Variants in KATNAL2 observed in about 807,000 individuals in gnomAD.
KATNAL2 encodes katanin p60 ATPase-containing subunit A-like 2.
A neutral mutation model predicts 76.3 loss-of-function variants in KATNAL2; 52 were observed. The ratio of observed to expected loss-of-function variants is 0.68; its 90% confidence interval spans 0.55 to 0.86. The LOEUF is 0.86. KATNAL2 is among the 40% of genes least tolerant of loss of function. The pLI, the probability that KATNAL2 is intolerant of heterozygous loss-of-function variation, is 0.00. For missense variants in KATNAL2, 660 were observed against 668.9 expected, an observed-to-expected ratio of 0.99 and a Z score of 0.15; for synonymous variants, 243 against 244.2, an observed-to-expected ratio of 1.00 and a Z score of 0.05.
chr18:47,093,512 T>A (rs1018148917), intron 15 of KATNAL2, among the ~76,000 whole-genome samples: 13 of 151,588 alleles, frequency 8.6e-5, no homozygotes, highest in Non-Finnish European at 1.6e-4. Flanking sequence ...GTGTGTGTAT[T>A]TATGTGCATG....
rs35852657 is a variant in KATNAL2, at chr18:47,087,752, C to CTGTGTGTGTGTG, written c.1211+10311_1211+10322dup. Among the ~76,000 whole-genome samples, 1,079 of 148,530 alleles carry CTGTGTGTGTGTG rather than the reference C, an allele frequency of 7.3e-3. 8 individuals carry two copies. The highest frequency in any genetic ancestry group is 0.02 in the East Asian group (99 of 4,976). On this transcript the variant is annotated intron_variant, in intron 15 of 17. Transcript: ENST00000683218. ...TAAGTCTCTCCAAACTCTTTTACAT[C>CTGTGTGTGTGTG]TGTGTGTGTGTGTGTGTGTGTGTGT...
chr18:47,080,040 T>A (rs934322726), intron 15 of KATNAL2, among the ~76,000 whole-genome samples: 16 of 152,150 alleles, frequency 1.1e-4, no homozygotes, highest in Non-Finnish European at 1.3e-4. Flanking sequence ...TCACCAGGGG[T>A]ACAAGTCTAT....
At chr18:47,095,111 G>GTAAAAT (rs2063173487) in intron 15 of KATNAL2, among the ~76,000 whole-genome samples, 1 of 152,104 alleles carries the variant, frequency 6.6e-6, no homozygotes, top group African/African-American at 2.4e-5. Flanking sequence ...ATGCTTCCCA[G>GTAAAAT]CTTTCAAATC....
At position 47,032,896 on chromosome 18, in the gene KATNAL2, C is replaced by G. The variant is rs1418466518; in HGVS notation, c.52-13561C>G. 6 of 1,592,576 alleles carry G rather than the reference C, an allele frequency of 3.8e-6. No individual in the cohort carries two copies. The East Asian group carries it at 8.9e-5, about 24-fold the overall frequency. On this transcript the variant is annotated intron_variant, in intron 3 of 17. Transcript: ENST00000683218. ...CAGAATTCAAAGGCTCAACTTTGCA[C>G]CAAGTTAAAGGTTCTGGTGTCCATT...
At chr18:47,056,492 C>T (rs2061475288) in intron 6 of KATNAL2, among the ~76,000 whole-genome samples, 1 of 152,206 alleles carries the variant, frequency 6.6e-6, no homozygotes, top group Non-Finnish European at 1.5e-5. Context: ...CTCCTTAGAA[C>T]ATTGCAGGAA....
chr18:46,946,772 G>A (rs1454936089), intron 2 of KATNAL2, 82 bp from the exon 3 acceptor site: 2 of 1,319,534 alleles, frequency 1.5e-6, no homozygotes, highest in African/African-American at 1.5e-5. Flanking sequence ...AGCCAATCCG[G>A]AAAGGGGCGG....
In KATNAL2 at chr18:46,919,997, A is replaced by T. The variant is rs528298792; in HGVS notation, c.-510+2071A>T. ...TGCCACAGAGGAGCTTACACCCATA[A>T]AGAGGACCAACATAAACACAAAACA... On this transcript the variant is annotated intron_variant, in intron 1 of 17. Transcript: ENST00000683218. 4.3e-5 allele frequency: 50 copies of T among 1,158,954 alleles called. No homozygotes were observed. The African/African-American group carries it at 6.6e-4, about 15-fold the overall frequency. 71.8% of individuals were successfully genotyped at this position (1,158,954 alleles called of 1,614,324 possible). A position where few individuals can be genotyped will look rare whatever the true frequency, so the allele number is the denominator to read the frequency against.
intron 3 of KATNAL2, among the ~76,000 whole-genome samples, chr18:46,953,887 A>G (rs1053785213): frequency 2.0e-5 from 3 of 152,060 alleles, no homozygotes; most frequent in Non-Finnish European, 4.4e-5. Context: ...TCATTGGGGG[A>G]TGCCAAATGT....
At chr18:47,055,031 G>A (rs2061432908) in intron 6 of KATNAL2, among the ~76,000 whole-genome samples, 1 of 152,142 alleles carries the variant, frequency 6.6e-6, no homozygotes, top group Non-Finnish European at 1.5e-5. Context: ...TCTCATTTGG[G>A]GCTTGTAGCC....
intron 1 of KATNAL2, among the ~76,000 whole-genome samples, chr18:46,941,007 G>C (rs2059230785): frequency 6.6e-6 from 1 of 152,108 alleles, no homozygotes; most frequent in South Asian, 2.1e-4. Flanking sequence ...CAGCCTGAGA[G>C]AGCAAGACCT....
At chr18:46,926,312 A>G (rs1479429306) in intron 1 of KATNAL2, among the ~76,000 whole-genome samples, 1 of 152,070 alleles carries the variant, frequency 6.6e-6, no homozygotes, top group African/African-American at 2.4e-5. Flanking sequence ...TTCAAAGAAC[A>G]TCTTTATTTC....
At chr18:46,959,722 C>T (rs535962472) in intron 3 of KATNAL2, among the ~76,000 whole-genome samples, 130 of 152,162 alleles carry the variant, frequency 8.5e-4, no homozygotes, top group African/African-American at 2.8e-3. Context: ...TACAGGCGTC[C>T]GCCACCATGC....
At chr18:47,093,460 A>C (rs1002056494) in intron 15 of KATNAL2, among the ~76,000 whole-genome samples, 1 of 127,432 alleles carries the variant, frequency 7.8e-6, no homozygotes, top group Non-Finnish European at 1.6e-5. Context: ...TAATGTTCTC[A>C]TTTAAAAAAC....
At chr18:46,961,011 A>G (rs1399134651) in intron 3 of KATNAL2, among the ~76,000 whole-genome samples, 1 of 152,258 alleles carries the variant, frequency 6.6e-6, no homozygotes, top group Non-Finnish European at 1.5e-5. Context: ...TTAAAGGGTC[A>G]TGATAGATCA....
chr18:47,078,999 AT>A (rs2062379038), intron 15 of KATNAL2, among the ~76,000 whole-genome samples: 1 of 152,174 alleles, frequency 6.6e-6, no homozygotes. Context: ...ATCCTGTTTT[AT>A]TATGAAAAAT....
intron 3 of KATNAL2, among the ~76,000 whole-genome samples, chr18:46,961,324 C>G (rs756023120): frequency 1.3e-5 from 2 of 152,126 alleles, no homozygotes; most frequent in Admixed American, 6.5e-5. Flanking sequence ...AAGTGGTGGT[C>G]CCCACCTCAT....
In KATNAL2 at chr18:47,077,409, C is replaced by A; in HGVS notation, c.1159C>A (p.Leu387Met). The A allele has an allele frequency of 6.2e-7, 1 of 1,613,960 alleles. No individual in the cohort carries two copies. The change falls in exon 15 of 18, where the codon CTG (leucine) becomes ATG (methionine). Residue 387 changes from leucine to methionine, a missense_variant. Physicochemically the swap from Leu to Met is conservative, Grantham distance 15. Coordinates refer to ENST00000683218, the MANE Select transcript of KATNAL2 (RefSeq NM_001387690.1). The part of the protein sequence containing the change: ...KTELLVQMDG[L>M]ARSEDLVFVL... Reference sequence around the variant, plus strand: ...AGAGTTACTGGTGCAGATGGATGGGCTGGCACGCTCAGAAGATCTCGTATT... The same window carrying A: ...AGAGTTACTGGTGCAGATGGATGGGATGGCACGCTCAGAAGATCTCGTATT...
chr18:47,070,070 C>T (rs377206906), intron 13 of KATNAL2, among the ~76,000 whole-genome samples: 1 of 151,436 alleles, frequency 6.6e-6, no homozygotes. Context: ...TTCCATAGTG[C>T]CCATAGCCTG....
At chr18:47,041,641 A>G (rs1000651810) in intron 3 of KATNAL2, among the ~76,000 whole-genome samples, 8 of 152,218 alleles carry the variant, frequency 5.3e-5, no homozygotes, top group Non-Finnish European at 1.2e-4. Context: ...TTTGGCAATT[A>G]TGAATAAAGC....
Sources: gnomAD v4.1 joint callset for allele counts (sites outside exome capture counted in the v4.1 genomes callset) on GRCh38, gnomAD v4.1.1 for gene constraint, MANE v1.5 for transcripts, NCBI Gene and HGNC (gene_info 2026-07-23, HGNC 2026-07-21) for gene names.